Variants in PIEZO1 observed in about 807,000 individuals in gnomAD.
PIEZO1 encodes piezo type mechanosensitive ion channel component 1 (Er blood group).
Under a neutral mutation model 297.2 loss-of-function variants are expected in PIEZO1, and 296 were observed. That is an observed-to-expected ratio of 1.00 (90% CI 0.91 to 1.10). PIEZO1 has a LOEUF of 1.10. PIEZO1 is among the 50% of genes least tolerant of loss of function. The pLI, the probability that PIEZO1 is intolerant of heterozygous loss-of-function variation, is 0.00. For synonymous variants in PIEZO1, 2,427 were observed against 1,507.5 expected (o/e 1.61, Z -14.13); for missense variants, 5,018 against 3,455.5 (o/e 1.45, Z -11.34).
intron 1 of PIEZO1, among the ~76,000 whole-genome samples, chr16:88,754,548 G>A (rs965082104): frequency 1.3e-5 from 2 of 152,086 alleles, no homozygotes; most frequent in Non-Finnish European, 2.9e-5. Context: ...AGGAGGAGCT[G>A]TCTGGCCTCC....
intron 1 of PIEZO1, among the ~76,000 whole-genome samples, chr16:88,759,240 G>A (rs1036816362): frequency 8.5e-5 from 13 of 152,250 alleles, no homozygotes; most frequent in African/African-American, 2.4e-4. Context: ...GGCAGCTGCA[G>A]GGCTAGAACC....
chr16:88,747,889 AG>A (rs1212144782), intron 2 of PIEZO1, among the ~76,000 whole-genome samples: 1 of 152,082 alleles, frequency 6.6e-6, no homozygotes, highest in Non-Finnish European at 1.5e-5. Flanking sequence ...AGATGGAGGG[AG>A]GGGCCCCAAG....
chr16:88,761,487 C>T (rs753101194), intron 1 of PIEZO1, among the ~76,000 whole-genome samples: 2 of 152,224 alleles, frequency 1.3e-5, no homozygotes. Flanking sequence ...GTCCCAAAGC[C>T]GCCGCCTTCC....
chr16:88,746,655 T>C (rs1906074123), intron 2 of PIEZO1, among the ~76,000 whole-genome samples: 1 of 151,946 alleles, frequency 6.6e-6, no homozygotes, highest in Non-Finnish European at 1.5e-5. Flanking sequence ...CACTTTCCTC[T>C]CTCCCTCCCG....
intron 2 of PIEZO1, chr16:88,743,102 G>C (rs550663375): frequency 1.2e-4 from 54 of 456,576 alleles, no homozygotes; most frequent in South Asian, 8.4e-4. Context: ...GCACCATCTG[G>C]TTGCCTGGCA....
intron 23 of PIEZO1, among the ~76,000 whole-genome samples, 162 bp from the exon 24 acceptor site, chr16:88,727,354 G>C (rs1447590246): frequency 6.6e-6 from 1 of 152,234 alleles, no homozygotes; most frequent in Non-Finnish European, 1.5e-5. Flanking sequence ...GGGAGCCCCG[G>C]TGTGAGGGCA....
At chr16:88,739,807 G>T (rs1172161574) in intron 5 of PIEZO1, 1 of 152,414 alleles carries the variant, frequency 6.6e-6, no homozygotes, top group Admixed American at 6.6e-5. Context: ...GGGCGAGGCT[G>T]GATCAGAACG....
chr16:88,737,699 C>G (rs1905329698), intron 9 of PIEZO1, 29 bp downstream of exon 9: 2 of 1,534,380 alleles, frequency 1.3e-6, no homozygotes, highest in Admixed American at 2.0e-5. Flanking sequence ...GCCCCCCACG[C>G]TGGCGTCTCC....
chr16:88,780,370 T>C (rs1465291152), intron 1 of PIEZO1, among the ~76,000 whole-genome samples: 2 of 150,232 alleles, frequency 1.3e-5, no homozygotes, highest in Non-Finnish European at 3.0e-5. Flanking sequence ...AGAAGGCAGA[T>C]ACAGAGGATG....
Position 88,720,215 on chromosome 16 carries a change from G to T in PIEZO1, c.6018C>A (p.Val2006=). 6.4e-7 allele frequency: 1 copy of T among 1,550,586 alleles called. No homozygotes were observed. Among genetic ancestry groups the T allele is most frequent in the South Asian group, 1.2e-5 (1 of 84,046 alleles). The change falls in exon 42 of 51, where the codon GTC becomes GTA. Residue 2006 remains valine, a synonymous_variant. Transcript: ENST00000301015. ...TGGTACTGAACTGGATCAGCAGCAT[G>T]ACCAGGAAAGCCTCGGGTACCTGGT... ...SDDQVPEAFL[V]MLLIQFSTMV...
chr16:88,725,118 G>A, intron 29 of PIEZO1, 38 bp from the exon 30 acceptor site: 2 of 1,411,334 alleles, frequency 1.4e-6, no homozygotes, highest in Non-Finnish European at 1.9e-6. Context: ...CAGCAGTCAA[G>A]CCACCAGGAG....
At position 88,738,624 on chromosome 16, in the gene PIEZO1, T is replaced by G. The variant is rs748609791; in HGVS notation, c.578A>C (p.His193Pro). ...RLAARFRVTAHWLLVAAGRVL... is the reference protein window; with the variant it reads ...RLAARFRVTAPWLLVAAGRVL... The stretch of plus-strand genomic sequence containing the variant: ...CCGCCCAGCCGCCACCAGCAGCCAG[T>G]GGGCCGTGACTCGGAAACGAGCGGC... The change falls in exon 6 of 51, where the codon CAC becomes CCC. Residue 193 changes from histidine (H) to proline (P), a missense_variant. Coordinates refer to ENST00000301015, the MANE Select transcript of PIEZO1 (RefSeq NM_001142864.4). 6.5e-7 allele frequency: 1 copy of G among 1,535,676 alleles called. No individual in the cohort carries two copies. The highest frequency in any genetic ancestry group is 1.2e-5 in the South Asian group (1 of 84,050).
At chr16:88,718,273 C>T (rs1340269041) in intron 44 of PIEZO1, 1 of 153,170 alleles carries the variant, frequency 6.5e-6, no homozygotes, top group Non-Finnish European at 1.5e-5. Context: ...GAAACCGCAA[C>T]CTCGTGTTGG....
At position 88,721,403 on chromosome 16, in the gene PIEZO1, C is replaced by T. The variant is rs1912441834; in HGVS notation, c.5431G>A (p.Asp1811Asn). Residue 1811 changes from aspartate (D) to asparagine (N), a missense_variant, in exon 39 of 51, where the codon GAC becomes AAC. Asp to Asn is a conservative substitution (Grantham distance 23). Coordinates refer to ENST00000301015, the MANE Select transcript of PIEZO1 (RefSeq NM_001142864.4). ...LCYGLWDHEEDSPSKEHDKSG... is the reference protein window; with the variant it reads ...LCYGLWDHEENSPSKEHDKSG... ...TTGTCATGCTCCTTGGATGGTGAGT[C>T]CTCCTCATGGTCCCAGAGGCCATAG... The T allele has an allele frequency of 6.5e-7, 1 of 1,549,806 alleles. No individual in the cohort carries two copies.
chr16:88,736,327 G>A lies in PIEZO1; in HGVS notation c.1378C>T (p.His460Tyr). The change falls in exon 12 of 51, where the codon CAC (histidine) becomes TAC (tyrosine). Residue 460 changes from histidine (H) to tyrosine (Y), a missense_variant. His to Tyr is a moderately conservative substitution (Grantham distance 83, BLOSUM62 2). Transcript: ENST00000301015. ...GGCGAGCACAGCATGGCCAGTTGGT[G>A]GCGGCTGCGCACCGTCCAGATGAGG... ...ACLIWTVRSRHQLAMLCSPCI... is the reference protein window; with the variant it reads ...ACLIWTVRSRYQLAMLCSPCI... The A allele has an allele frequency of 1.9e-6, 3 of 1,550,168 alleles. No individual in the cohort carries two copies. The highest frequency in any genetic ancestry group is 3.9e-5 in the Admixed American group (2 of 51,004).
intron 22 of PIEZO1, chr16:88,731,365 C>A: frequency 6.9e-6 from 2 of 290,478 alleles, no homozygotes; most frequent in South Asian, 4.6e-5. Flanking sequence ...CGAGGCAGCA[C>A]TTGGGTGTGA....
At chr16:88,771,117 C>T (rs1034879926) in intron 1 of PIEZO1, among the ~76,000 whole-genome samples, 1 of 152,210 alleles carries the variant, frequency 6.6e-6, no homozygotes, top group Non-Finnish European at 1.5e-5. Context: ...TGAGGCAGAG[C>T]AGGGCAGGCG....
Position 88,732,452 on chromosome 16 carries a change from C to A in PIEZO1, c.2874G>T (p.Leu958=). 1 of 1,549,570 alleles carries A rather than the reference C, an allele frequency of 6.5e-7. No homozygotes were observed. Among genetic ancestry groups the A allele is most frequent in the Non-Finnish European group, 8.7e-7 (1 of 1,146,444 alleles). Residue 958 remains leucine (L), a synonymous_variant, in exon 21 of 51, where the codon CTG becomes CTT. Coordinates refer to ENST00000301015, the MANE Select transcript of PIEZO1 (RefSeq NM_001142864.4). ...ACACGGCCTGGGCAGGCAGCGGGGC[C>A]AGCTGGTGCTGCCGGCGGTAGTGCT... ...RQEHYRRQHQ[L]APLPAQAVFA...
At chr16:88,765,415 T>C (rs1481033479) in intron 1 of PIEZO1, among the ~76,000 whole-genome samples, 1 of 152,198 alleles carries the variant, frequency 6.6e-6, no homozygotes, top group African/African-American at 2.4e-5. Context: ...CATGTCTGTG[T>C]ACTTCTGCAG....
Sources: gnomAD v4.1 joint callset for allele counts (sites outside exome capture counted in the v4.1 genomes callset) on GRCh38, gnomAD v4.1.1 for gene constraint, MANE v1.5 for transcripts, NCBI Gene and HGNC (gene_info 2026-07-23, HGNC 2026-07-21) for gene names.